CENPU: variants seen among roughly 807,000 people sequenced by gnomAD.
The protein encoded by CENPU is KSHV latent nuclear antigen interacting protein 1.
In CENPU, 46 loss-of-function variants were observed where a neutral mutation model predicts 56.7. That is an observed-to-expected ratio of 0.81 (90% CI 0.64 to 1.04). The LOEUF is 1.04. Ranked by LOEUF, CENPU falls within the 50% of genes least tolerant of loss-of-function variation. The pLI is 0.00. For missense variants in CENPU, 510 were observed against 490.1 expected, an observed-to-expected ratio of 1.04 and a Z score of -0.38; for synonymous variants, 166 against 163.0, an observed-to-expected ratio of 1.02 and a Z score of -0.14.
intron 11 of CENPU, among the ~76,000 whole-genome samples, chr4:184,698,729 G>A (rs1324074087): frequency 2.0e-5 from 3 of 152,162 alleles, no homozygotes; most frequent in African/African-American, 4.8e-5. Flanking sequence ...GACTACAGGC[G>A]TGAGCCAGGA....
At chr4:184,723,329 A>C (rs960278589) in intron 4 of CENPU, among the ~76,000 whole-genome samples, 4 of 152,194 alleles carry the variant, frequency 2.6e-5, no homozygotes, top group Admixed American at 1.3e-4. Flanking sequence ...CTGGAAGGAC[A>C]TATGAGAAAT....
chr4:184,704,438 T>C (rs1760653173), intron 8 of CENPU, among the ~76,000 whole-genome samples: 2 of 152,124 alleles, frequency 1.3e-5, no homozygotes, highest in Non-Finnish European at 2.9e-5. Flanking sequence ...ACACATCATA[T>C]AGCCGCGGCA....
chr4:184,700,756 A>T, intron 11 of CENPU, 64 bp downstream of exon 11: 2 of 1,375,858 alleles, frequency 1.5e-6, no homozygotes, highest in Non-Finnish European at 2.1e-6. Context: ...TCACTCCCCT[A>T]AATGACACAC....
intron 11 of CENPU, 72 bp downstream of exon 11, chr4:184,700,748 A>G: frequency 3.9e-6 from 5 of 1,290,232 alleles, no homozygotes; most frequent in Non-Finnish European, 5.7e-6. Flanking sequence ...AGCAAGTGTC[A>G]CTCCCCTAAA....
At chr4:184,697,287 T>A (rs1165184091) in intron 12 of CENPU, among the ~76,000 whole-genome samples, 1 of 152,224 alleles carries the variant, frequency 6.6e-6, no homozygotes. Flanking sequence ...CAGAAGAGGC[T>A]GGTCTTTCGA....
In CENPU at chr4:184,702,425, T is replaced by C. The variant is rs35302390; in HGVS notation, c.814A>G (p.Lys272Glu). 3.1e-4 allele frequency: 495 copies of C among 1,610,920 alleles called. No individual in the cohort carries two copies. In the African/African-American group the frequency reaches 5.6e-3, roughly 18 times the overall value. Residue 272 changes from lysine (K) to glutamate (E), a missense_variant, in exon 9 of 13, where the codon AAA becomes GAA. Coordinates refer to ENST00000281453, the MANE Select transcript of CENPU (RefSeq NM_024629.4). The part of the protein sequence containing the change: ...HLEHQQRIES[K>E]VCKAAIATFY... ...GTGGCGATGGCTGCCTTACAAACTT[T>C]AGATTCTATTCTTTGTCTGTAGAGG... is the stretch of plus-strand genomic sequence containing the variant.
chr4:184,702,307 G>A, intron 9 of CENPU, 56 bp downstream of exon 9: 1 of 1,497,118 alleles, frequency 6.7e-7, no homozygotes, highest in Non-Finnish European at 9.3e-7. Context: ...ACAATATGCT[G>A]CTACAGGATT....
intron 4 of CENPU, among the ~76,000 whole-genome samples, chr4:184,724,650 C>G (rs940715226): frequency 2.0e-5 from 3 of 152,142 alleles, no homozygotes; most frequent in African/African-American, 7.2e-5. Flanking sequence ...AGAGACCTCC[C>G]AAAAATCACC....
rs1396758809 is a variant in CENPU, at chr4:184,710,113, A to G, written c.756T>C (p.Asn252=). ...TTTTCTCAAATTCAGGCAAAACAAT[A>G]TTCAACTCCTTGATGTCACTGGTTT... ...GMKTSDIKEL[N]IVLPEFEKTH... The change falls in exon 8 of 13, where the codon AAT becomes AAC. Residue 252 remains asparagine (N), a synonymous_variant. Transcript: ENST00000281453. 1.9e-6 allele frequency: 3 copies of G among 1,612,210 alleles called. No individual in the cohort carries two copies. Among genetic ancestry groups the G allele is most frequent in the Non-Finnish European group, 1.7e-6 (2 of 1,178,972 alleles).
At chr4:184,713,586 A>C (rs1262718008) in intron 6 of CENPU, among the ~76,000 whole-genome samples, 1 of 152,220 alleles carries the variant, frequency 6.6e-6, no homozygotes, top group Non-Finnish European at 1.5e-5. Context: ...TAAGATAACA[A>C]CATGTGGAAT....
At chr4:184,707,913 T>C (rs1054216836) in intron 8 of CENPU, among the ~76,000 whole-genome samples, 1 of 152,002 alleles carries the variant, frequency 6.6e-6, no homozygotes, top group Non-Finnish European at 1.5e-5. Context: ...AAAACATGAA[T>C]ACAAGACACA....
chr4:184,716,314 G>T (rs965313887), intron 6 of CENPU, 83 bp downstream of exon 6: 37 of 815,412 alleles, frequency 4.5e-5, no homozygotes, highest in Non-Finnish European at 7.0e-5. Flanking sequence ...AGATCTGAAG[G>T]AAAGAGAAAA....
At chr4:184,704,956 G>A (rs1760673909) in intron 8 of CENPU, among the ~76,000 whole-genome samples, 1 of 152,158 alleles carries the variant, frequency 6.6e-6, no homozygotes. Context: ...CCAAATGCTG[G>A]CAAGGATGTA....
rs13478 is a variant in CENPU at position 184,695,284 on chromosome 4, C to T, written c.*4G>A. The T allele has an allele frequency of 0.18, 289,509 of 1,602,240 alleles. 35,338 individuals carry two copies. The highest frequency in any genetic ancestry group is 0.67 in the East Asian group (30,102 of 44,768). On this transcript the variant is annotated 3_prime_UTR_variant, in exon 13 of 13. Coordinates refer to ENST00000281453, the MANE Select transcript of CENPU (RefSeq NM_024629.4). The stretch of plus-strand genomic sequence containing the variant: ...TATAGGCACATTTTAGTAGACTGCT[C>T]TTCTCATCCCTGGTCAAGGAGCTTC...
intron 1 of CENPU, among the ~76,000 whole-genome samples, chr4:184,732,253 A>ATGTT (rs1241108376): frequency 2.0e-5 from 3 of 151,662 alleles, no homozygotes; most frequent in African/African-American, 7.3e-5. Flanking sequence ...ACAGTTAAAA[A>ATGTT]AAAAAAGTTA....
At chr4:184,733,168 T>C (rs1337950460) in intron 1 of CENPU, 2 of 195,282 alleles carry the variant, frequency 1.0e-5, no homozygotes, top group East Asian at 3.7e-4. Context: ...GACATTCTCT[T>C]CTAATCCTTT....
intron 1 of CENPU, chr4:184,733,475 G>A (rs1302098941): frequency 3.2e-6 from 3 of 937,922 alleles, no homozygotes; most frequent in Admixed American, 1.1e-4. Context: ...AGCGCGTTTT[G>A]CAACCGACCA....
At chr4:184,733,619 T>C (rs1340656874) in intron 1 of CENPU, among the ~76,000 whole-genome samples, 1 of 152,220 alleles carries the variant, frequency 6.6e-6, no homozygotes, top group Admixed American at 6.5e-5. Flanking sequence ...ACCAGGGTCT[T>C]CAAAATAAGA....
intron 3 of CENPU, among the ~76,000 whole-genome samples, chr4:184,726,621 T>A (rs1761459347): frequency 6.6e-6 from 1 of 152,176 alleles, no homozygotes; most frequent in South Asian, 2.1e-4. Context: ...ATTCCATTTC[T>A]GGGTAAATGT....
Sources: allele counts gnomAD v4.1 joint callset (sites outside exome capture counted in the v4.1 genomes callset), GRCh38; gene constraint gnomAD v4.1.1; transcripts MANE v1.5; gene names NCBI Gene and HGNC (gene_info 2026-07-23, HGNC 2026-07-21).